The following AMPH variants were observed in gnomAD, a reference collection of about 807,000 sequenced individuals.
The protein encoded by AMPH is amphiphysin (Stiff-Mann syndrome with breast cancer 128kD autoantigen).
A neutral mutation model predicts 99.1 loss-of-function variants in AMPH; 49 were observed. The ratio of observed to expected loss-of-function variants is 0.49; its 90% confidence interval spans 0.39 to 0.63. The LOEUF (loss-of-function observed/expected upper bound fraction) is 0.63, where lower values mean the gene tolerates loss of function less well. Ranked by LOEUF, AMPH falls within the 20% of genes least tolerant of loss-of-function variation. The pLI, the probability that AMPH is intolerant of heterozygous loss-of-function variation, is 0.00. For missense variants in AMPH, 759 were observed against 863.4 expected, an observed-to-expected ratio of 0.88 and a Z score of 1.52; for synonymous variants, 314 against 317.3, an observed-to-expected ratio of 0.99 and a Z score of 0.11.
intron 1 of AMPH, among the ~76,000 whole-genome samples, chr7:38,599,999 G>A (rs1033995213): frequency 6.6e-6 from 1 of 151,802 alleles, no homozygotes; most frequent in Admixed American, 6.6e-5. Context: ...TGGAATCACT[G>A]AATCAAAAGT....
At chr7:38,576,945 G>A (rs558440571) in intron 1 of AMPH, among the ~76,000 whole-genome samples, 48 of 152,238 alleles carry the variant, frequency 3.2e-4, no homozygotes, top group African/African-American at 1.1e-3. Flanking sequence ...GAAACCAAAT[G>A]AAATAATACA....
rs531671647 is a variant in AMPH at position 38,534,619 on chromosome 7, T to G, written c.150+312A>C. On this transcript the variant is annotated intron_variant, in intron 2 of 20. Coordinates refer to ENST00000356264, the MANE Select transcript of AMPH (RefSeq NM_001635.4). ...GAATCCAAGGATGTTGAGGCTGAAG[T>G]GAGCCAAAATTGTGTCACTGCACGC... Among the ~76,000 whole-genome samples, 219 of 152,254 alleles carry G rather than the reference T, an allele frequency of 1.4e-3. 1 individual carries two copies. The highest frequency in any genetic ancestry group is 4.9e-3 in the African/African-American group (204 of 41,558).
chr7:38,513,736 T>G (rs1584190185), intron 2 of AMPH, among the ~76,000 whole-genome samples: 1 of 152,180 alleles, frequency 6.6e-6, no homozygotes, highest in East Asian at 1.9e-4. Context: ...TATAGGGAAT[T>G]TATTCTCTGT....
intron 2 of AMPH, among the ~76,000 whole-genome samples, chr7:38,529,379 T>C (rs1478445081): frequency 1.3e-5 from 2 of 152,260 alleles, no homozygotes; most frequent in African/African-American, 4.8e-5. Context: ...GTGTTGTCCC[T>C]GGATCAGCAT....
chr7:38,588,584 A>G (rs1014431731), intron 1 of AMPH, among the ~76,000 whole-genome samples: 3 of 152,212 alleles, frequency 2.0e-5, no homozygotes, highest in African/African-American at 2.4e-5. Flanking sequence ...GTCAAGATGT[A>G]AAACTCCTTT....
chr7:38,486,395 G>A (rs1432554057), intron 5 of AMPH, among the ~76,000 whole-genome samples: 1 of 151,750 alleles, frequency 6.6e-6, no homozygotes, highest in Admixed American at 6.6e-5. Flanking sequence ...TGAAGAAATG[G>A]AAGGTTTGAA....
At chr7:38,592,529 C>T (rs1792892783) in intron 1 of AMPH, among the ~76,000 whole-genome samples, 1 of 152,082 alleles carries the variant, frequency 6.6e-6, no homozygotes, top group South Asian at 2.1e-4. Flanking sequence ...GTCAGGAGCT[C>T]AAACCAGCCT....
chr7:38,483,386 C>A (rs1558617), intron 5 of AMPH, among the ~76,000 whole-genome samples: 14,742 of 152,194 alleles, frequency 0.097, 956 homozygotes, highest in Middle Eastern at 0.2. Context: ...CACAGCCCCT[C>A]CCCTCAACTG....
At position 38,462,993 on chromosome 7, in the gene AMPH, C is replaced by T. The variant is rs145345136; in HGVS notation, c.870G>A (p.Arg290=). The part of the protein sequence containing the change: ...TLAPASPAPA[R]PRSPSQTRKG... Reference sequence around the variant, plus strand: ...TTCCTACCTGTGAAGGTGACCGAGGCCGTGCTGGTGCGGGAGACGCAGGTG... The same window carrying T: ...TTCCTACCTGTGAAGGTGACCGAGGTCGTGCTGGTGCGGGAGACGCAGGTG... The change falls in exon 10 of 21, where the codon CGG becomes CGA. Residue 290 remains arginine (R), a synonymous_variant. Transcript: ENST00000356264. The T allele has an allele frequency of 1.2e-4, 191 of 1,585,958 alleles. No individual in the cohort carries two copies. The highest frequency in any genetic ancestry group is 1.6e-4 in the Non-Finnish European group (186 of 1,166,636).
At chr7:38,385,680 G>A (rs1784331990) in intron 20 of AMPH, among the ~76,000 whole-genome samples, 1 of 151,794 alleles carries the variant, frequency 6.6e-6, no homozygotes, top group African/African-American at 2.4e-5. Flanking sequence ...ATATAGAAGT[G>A]CCATCACAAA....
chr7:38,551,726 G>A (rs996522536), intron 1 of AMPH, among the ~76,000 whole-genome samples: 1 of 152,158 alleles, frequency 6.6e-6, no homozygotes, highest in Non-Finnish European at 1.5e-5. Context: ...GGAAAGAGGA[G>A]AGAGGAAAAG....
In AMPH at chr7:38,478,059, AAAACAAACAAAC is replaced by A. The variant is rs146496756; in HGVS notation, c.397-1102_397-1091del. ...CTAAAACAAGGCCGGGAAAGGATTTAAAACAAACAAACAAACAAACAAACAAACAAAACAACA... is the reference window on the plus strand; with the variant it reads ...CTAAAACAAGGCCGGGAAAGGATTTAAAACAAACAAACAAACAAAACAACA... On this transcript the variant is annotated intron_variant, in intron 5 of 20. Coordinates refer to ENST00000356264, the MANE Select transcript of AMPH (RefSeq NM_001635.4). Among the ~76,000 whole-genome samples the A allele has an allele frequency of 4.5e-3, 675 of 149,914 alleles. 4 individuals are homozygous for A. Among genetic ancestry groups the A allele is most frequent in the Non-Finnish European group, 5.6e-3 (377 of 67,526 alleles).
At chr7:38,599,009 C>T (rs1562853204) in intron 1 of AMPH, among the ~76,000 whole-genome samples, 1 of 152,124 alleles carries the variant, frequency 6.6e-6, no homozygotes. Context: ...TAGTGTGTAA[C>T]GTGCTCAATG....
At chr7:38,551,397 G>GAAGCAAA (rs1791175693) in intron 1 of AMPH, among the ~76,000 whole-genome samples, 2 of 152,182 alleles carry the variant, frequency 1.3e-5, no homozygotes, top group Non-Finnish European at 2.9e-5. Flanking sequence ...AGGAAGAATA[G>GAAGCAAA]TCAATGCTTC....
intron 17 of AMPH, among the ~76,000 whole-genome samples, chr7:38,409,955 G>A (rs1785166423): frequency 6.6e-6 from 1 of 152,210 alleles, no homozygotes; most frequent in Non-Finnish European, 1.5e-5. Flanking sequence ...ATCTTTTAAT[G>A]CAAACGTAAA....
At chr7:38,517,795 G>A (rs1326812790) in intron 2 of AMPH, among the ~76,000 whole-genome samples, 4 of 152,332 alleles carry the variant, frequency 2.6e-5, no homozygotes, top group East Asian at 3.9e-4. Flanking sequence ...TAAAAAGCAT[G>A]TCAGAGAGAC....
intron 7 of AMPH, 63 bp downstream of exon 7, chr7:38,475,268 G>A (rs41279585): frequency 0.11 from 115,584 of 1,017,682 alleles, 7,343 homozygotes; most frequent in Middle Eastern, 0.2. Flanking sequence ...ACAAGATAAG[G>A]GATATTCACT....
intron 1 of AMPH, among the ~76,000 whole-genome samples, chr7:38,596,639 C>A (rs879870627): frequency 6.6e-6 from 1 of 152,070 alleles, no homozygotes; most frequent in African/African-American, 2.4e-5. Context: ...TGAAACGTGA[C>A]GGGAAGGGAA....
At chr7:38,462,539 G>C (rs375692864) in intron 10 of AMPH, among the ~76,000 whole-genome samples, 62 of 152,236 alleles carry the variant, frequency 4.1e-4, no homozygotes, top group Non-Finnish European at 5.6e-4. Context: ...GCAAGTGTGT[G>C]TACTAAAAAA....
Sources: allele counts gnomAD v4.1 joint callset (sites outside exome capture counted in the v4.1 genomes callset), GRCh38; gene constraint gnomAD v4.1.1; transcripts MANE v1.5; gene names NCBI Gene and HGNC (gene_info 2026-07-23, HGNC 2026-07-21).